The following AQR variants were observed in gnomAD, a reference collection of about 807,000 sequenced individuals.
AQR encodes the protein aquarius intron-binding spliceosomal factor.
In AQR, 61 loss-of-function variants were observed where a neutral mutation model predicts 180.5. The observed-to-expected ratio is 0.34, with a 90% CI of 0.28 to 0.42. The LOEUF (loss-of-function observed/expected upper bound fraction) is 0.42. Ranked by LOEUF, AQR falls within the 10% of genes least tolerant of loss-of-function variation. The probability of loss-of-function intolerance (pLI) is 1.00; values close to 1 mark genes in which losing one functional copy is unlikely to be tolerated. For missense variants in AQR, 1,281 were observed against 1,798.3 expected (o/e 0.71, Z 5.20); for synonymous variants, 551 against 588.8 (o/e 0.94, Z 0.93).
At chr15:34,860,363 G>A (rs908396423) in intron 33 of AQR, among the ~76,000 whole-genome samples, 5 of 151,762 alleles carry the variant, frequency 3.3e-5, no homozygotes, top group Admixed American at 3.3e-4. Context: ...TAATAAAAAG[G>A]GGGCCCAGGT....
chr15:34,939,916 A>G (rs920902753), intron 8 of AQR, among the ~76,000 whole-genome samples: 3 of 152,358 alleles, frequency 2.0e-5, no homozygotes, highest in Non-Finnish European at 4.4e-5. Flanking sequence ...GCCCAAAGTC[A>G]TACAGCAATT....
chr15:34,895,126 C>T (rs1384524117), intron 22 of AQR, among the ~76,000 whole-genome samples: 2 of 119,112 alleles, frequency 1.7e-5, no homozygotes, highest in South Asian at 3.0e-4. Context: ...GGTGCCACTA[C>T]ACTTCAGCCT....
At chr15:34,879,027 CAA>C (rs746355296) in intron 27 of AQR, among the ~76,000 whole-genome samples, 3 of 126,634 alleles carry the variant, frequency 2.4e-5, no homozygotes, top group Admixed American at 8.1e-5. Context: ...GGCTCTGTCT[CAA>C]AAAAAAAAAA....
At position 34,870,838 on chromosome 15, in the gene AQR, T is replaced by C; in HGVS notation, c.3682A>G (p.Thr1228Ala). The change falls in exon 31 of 35, where the codon ACA becomes GCA. Residue 1228 changes from threonine (T) to alanine (A), a missense_variant. Thr to Ala is a moderately conservative substitution (Grantham distance 58, BLOSUM62 0). This residue lies in a region of AQR where 197 missense variants were observed against 320.7 expected (regional missense o/e 0.61). Transcript: ENST00000156471. ...GYPADKISIL[T>A]TYNGQKHLIR... Reference sequence around the variant, plus strand: ...AGATGCTTTTGGCCATTATATGTTGTTAGAATACTGATTTTGTCAGCAGGG... The same window carrying C: ...AGATGCTTTTGGCCATTATATGTTGCTAGAATACTGATTTTGTCAGCAGGG... The C allele has an allele frequency of 6.2e-7, 1 of 1,613,516 alleles. No homozygotes were observed.
intron 32 of AQR, among the ~76,000 whole-genome samples, chr15:34,865,665 T>A (rs1892729945): frequency 6.6e-6 from 1 of 152,162 alleles, no homozygotes; most frequent in South Asian, 2.1e-4. Context: ...CAACCCAATG[T>A]CCAATTGATG....
chr15:34,903,865 C>A (rs1893371590), intron 19 of AQR, among the ~76,000 whole-genome samples: 1 of 72,168 alleles, frequency 1.4e-5, no homozygotes, highest in African/African-American at 3.2e-5. Flanking sequence ...ACCAAACCTC[C>A]CTTTCCTACT....
intron 21 of AQR, 132 bp downstream of exon 21, chr15:34,897,427 G>C (rs1160765472): frequency 1.9e-6 from 2 of 1,037,838 alleles, no homozygotes; most frequent in East Asian, 4.9e-5. Context: ...TGACAGAATA[G>C]AAAGAAAGAG....
chr15:34,924,632 T>C (rs1893730118), intron 13 of AQR, among the ~76,000 whole-genome samples: 1 of 152,010 alleles, frequency 6.6e-6, no homozygotes, highest in Non-Finnish European at 1.5e-5. Context: ...GGTTTCACCA[T>C]GTTCGCCAGG....
chr15:34,947,320 G>A (rs373675699), intron 5 of AQR, among the ~76,000 whole-genome samples: 462 of 150,740 alleles, frequency 3.1e-3, no homozygotes, highest in Non-Finnish European at 5.4e-3. Flanking sequence ...CAGCATGCTC[G>A]TTAAGAGTCA....
chr15:34,872,988 T>C (rs1226044754), intron 30 of AQR, among the ~76,000 whole-genome samples: 1 of 152,136 alleles, frequency 6.6e-6, no homozygotes, highest in Non-Finnish European at 1.5e-5. Context: ...CTTTTTAAAA[T>C]GAGATACTGT....
intron 16 of AQR, among the ~76,000 whole-genome samples, chr15:34,910,737 T>G (rs1433008479): frequency 6.6e-6 from 1 of 152,262 alleles, no homozygotes; most frequent in Admixed American, 6.5e-5. Context: ...GAATACAATG[T>G]GATGTTTTAA....
intron 24 of AQR, among the ~76,000 whole-genome samples, chr15:34,888,242 G>A (rs1421234001): frequency 1.3e-5 from 2 of 151,844 alleles, no homozygotes; most frequent in African/African-American, 4.8e-5. Context: ...AGTTTACAGT[G>A]AACCGAGATC....
Position 34,967,230 on chromosome 15 carries a change from G to A in AQR, c.75+2309C>T, listed in dbSNP as rs576151957. On this transcript the variant is annotated intron_variant, in intron 1 of 34. Coordinates refer to ENST00000156471, the MANE Select transcript of AQR (RefSeq NM_014691.3). Reference sequence around the variant, plus strand: ...TCTTTACATTCACACCTTAAGGTGTGTGTACTTGCTATTTCCTTGCTCTTC... The same window carrying A: ...TCTTTACATTCACACCTTAAGGTGTATGTACTTGCTATTTCCTTGCTCTTC... Among the ~76,000 whole-genome samples the A allele has an allele frequency of 4.6e-5, 7 of 152,232 alleles. No homozygotes were observed. In the East Asian group the frequency reaches 7.7e-4, roughly 17 times the overall value.
intron 9 of AQR, among the ~76,000 whole-genome samples, chr15:34,936,196 C>T (rs1370373661): frequency 6.6e-6 from 1 of 152,162 alleles, no homozygotes; most frequent in Admixed American, 6.5e-5. Context: ...TCAGACTATC[C>T]TGCACAGATT....
Position 34,924,435 on chromosome 15 carries a change from C to CT in AQR, c.1118+2599dup, listed in dbSNP as rs1225763729. On this transcript the variant is annotated intron_variant, in intron 13 of 34. Transcript: ENST00000156471. ...CATATAATAGATTTCAATCAATATA[C>CT]TTTTTTTTTTTTTTGAGACAGAGTC... 2.5e-3 allele frequency among the ~76,000 whole-genome samples: 357 copies of CT among 145,166 alleles called. 1 individual carries two copies. Among genetic ancestry groups the CT allele is most frequent in the Middle Eastern group, 0.011 (3 of 280 alleles).
intron 14 of AQR, among the ~76,000 whole-genome samples, chr15:34,919,350 A>G (rs892978245): frequency 2.0e-5 from 3 of 152,210 alleles, no homozygotes; most frequent in Non-Finnish European, 4.4e-5. Flanking sequence ...GTATAATTAT[A>G]GAAAAAATCA....
chr15:34,915,608 TCA>T (rs1893570362), intron 15 of AQR, among the ~76,000 whole-genome samples: 1 of 152,136 alleles, frequency 6.6e-6, no homozygotes, highest in Non-Finnish European at 1.5e-5. Flanking sequence ...ATTTTTGTTT[TCA>T]CACAGATGTT....
rs898327721 is a variant in AQR at position 34,853,226 on chromosome 15, A to T, written c.*3566T>A. ...AAGCAAGGCACTGCTCTTCTGGCTT[A>T]TGCAAAAGGGTCACTGTTTTTTTTT... is the stretch of plus-strand genomic sequence containing the variant. On this transcript the variant is annotated 3_prime_UTR_variant, in exon 35 of 35. Coordinates refer to ENST00000156471, the MANE Select transcript of AQR (RefSeq NM_014691.3). 1 of 151,066 alleles carries T rather than the reference A, an allele frequency of 6.6e-6. No homozygotes were observed. Among genetic ancestry groups the T allele is most frequent in the African/African-American group, 2.5e-5 (1 of 40,728 alleles). The allele number at this position is 151,066 out of a possible 1,614,324, so 9.4% of individuals were successfully genotyped here.
At chr15:34,961,513 G>A (rs1287794802) in intron 2 of AQR, among the ~76,000 whole-genome samples, 1 of 151,362 alleles carries the variant, frequency 6.6e-6, no homozygotes, top group Non-Finnish European at 1.5e-5. Context: ...CGGAGGCTGA[G>A]GCAGGAGAAT....
Sources: gnomAD v4.1 joint callset for allele counts (sites outside exome capture counted in the v4.1 genomes callset) on GRCh38, gnomAD v4.1.1 for gene constraint, gnomAD v4.1.1 regional missense constraint, MANE v1.5 for transcripts, NCBI Gene and HGNC (gene_info 2026-07-23, HGNC 2026-07-21) for gene names.